NRG1: variants seen among roughly 807,000 people sequenced by gnomAD.
The protein encoded by NRG1 is neuregulin 1.
NRG1 carries 18 observed loss-of-function variants against 63.8 expected under a neutral mutation model. That is an observed-to-expected ratio of 0.28 (90% CI 0.19 to 0.42). NRG1 has a LOEUF of 0.42. Among genes scored for constraint, NRG1 ranks in the 10% least tolerant of loss-of-function variants. The pLI is 1.00. For missense variants in NRG1, 762 were observed against 814.7 expected, an observed-to-expected ratio of 0.94 and a Z score of 0.79; for synonymous variants, 302 against 301.3, an observed-to-expected ratio of 1.00 and a Z score of -0.02.
chr8:31,658,798 G>A (rs975840682), intron 1 of NRG1, among the ~76,000 whole-genome samples: 8 of 152,182 alleles, frequency 5.3e-5, no homozygotes, highest in Non-Finnish European at 2.9e-5. Flanking sequence ...TCAGCAGAGG[G>A]AAGGGAGAGT....
At chr8:32,579,736 T>A (rs1479200411) in intron 1 of NRG1, among the ~76,000 whole-genome samples, 1 of 152,194 alleles carries the variant, frequency 6.6e-6, no homozygotes, top group Non-Finnish European at 1.5e-5. Flanking sequence ...TTTCTATTGC[T>A]CCTGTAACAA....
At chr8:32,486,214 G>C (rs553119204) in intron 1 of NRG1, among the ~76,000 whole-genome samples, 31 of 152,234 alleles carry the variant, frequency 2.0e-4, no homozygotes, top group African/African-American at 6.7e-4. Context: ...TTACAGATGT[G>C]AGCCACCGCA....
At chr8:32,103,442 T>C (rs527519736) in intron 1 of NRG1, among the ~76,000 whole-genome samples, 2 of 152,380 alleles carry the variant, frequency 1.3e-5, no homozygotes, top group Admixed American at 6.5e-5. Flanking sequence ...TGTTGATGGA[T>C]ACTTAGGTTG....
At chr8:31,939,535 A>G (rs1801436178) in intron 1 of NRG1, among the ~76,000 whole-genome samples, 1 of 152,124 alleles carries the variant, frequency 6.6e-6, no homozygotes, top group African/African-American at 2.4e-5. Context: ...TCAGGCAACA[A>G]ATAGCATGAT....
intron 1 of NRG1, among the ~76,000 whole-genome samples, chr8:31,771,039 T>TG (rs2131570781): frequency 6.6e-6 from 1 of 152,240 alleles, no homozygotes; most frequent in South Asian, 2.1e-4. Flanking sequence ...TTATAGCATA[T>TG]GGTTCACTGA....
chr8:32,428,026 T>C (rs1817622382), intron 1 of NRG1, among the ~76,000 whole-genome samples: 1 of 152,208 alleles, frequency 6.6e-6, no homozygotes, highest in Non-Finnish European at 1.5e-5. Flanking sequence ...TTGGCCAGCG[T>C]TGACTGGGGG....
At chr8:31,721,297 G>A (rs927608668) in intron 1 of NRG1, among the ~76,000 whole-genome samples, 2 of 152,122 alleles carry the variant, frequency 1.3e-5, no homozygotes, top group African/African-American at 4.8e-5. Context: ...ATAGGATATT[G>A]TAATCCTGTG....
chr8:32,030,927 C>T (rs1265226082), intron 1 of NRG1, among the ~76,000 whole-genome samples: 1 of 152,160 alleles, frequency 6.6e-6, no homozygotes, highest in Non-Finnish European at 1.5e-5. Context: ...GCATATAATA[C>T]TAACAACTCA....
chr8:32,641,103 C>G (rs958473495), intron 5 of NRG1, among the ~76,000 whole-genome samples: 1 of 151,638 alleles, frequency 6.6e-6, no homozygotes, highest in Non-Finnish European at 1.5e-5. Context: ...GATTGCACCA[C>G]TGCACTCCAG....
intron 1 of NRG1, among the ~76,000 whole-genome samples, chr8:31,942,718 A>G (rs1455558489): frequency 6.6e-6 from 1 of 152,160 alleles, no homozygotes; most frequent in Non-Finnish European, 1.5e-5. Flanking sequence ...CTCATCAAAA[A>G]GTGGGCTAAA....
intron 1 of NRG1, among the ~76,000 whole-genome samples, chr8:32,195,972 G>A (rs1230214101): frequency 6.6e-6 from 1 of 152,108 alleles, no homozygotes; most frequent in African/African-American, 2.4e-5. Context: ...AAAAGTAATT[G>A]TGATTTTTGC....
intron 1 of NRG1, among the ~76,000 whole-genome samples, chr8:31,807,149 C>T (rs944043229): frequency 1.3e-5 from 2 of 152,200 alleles, no homozygotes; most frequent in South Asian, 2.1e-4. Context: ...ATGAAGGGCC[C>T]GAAAGAACTA....
chr8:32,188,702 G>T (rs571841672), intron 1 of NRG1, among the ~76,000 whole-genome samples: 3 of 152,036 alleles, frequency 2.0e-5, no homozygotes, highest in Non-Finnish European at 4.4e-5. Flanking sequence ...GGAGGAGGCC[G>T]TGTGCTTCCT....
At chr8:32,217,310 G>A (rs912063003) in intron 1 of NRG1, among the ~76,000 whole-genome samples, 1 of 151,668 alleles carries the variant, frequency 6.6e-6, no homozygotes, top group African/African-American at 2.4e-5. Context: ...TAAGAAAAGG[G>A]AGAGGTAAAA....
At chr8:32,448,324 T>C (rs911585195) in intron 1 of NRG1, among the ~76,000 whole-genome samples, 2 of 152,240 alleles carry the variant, frequency 1.3e-5, no homozygotes, top group Non-Finnish European at 2.9e-5. Flanking sequence ...TAATGTTTAA[T>C]GCTATTTGCT....
chr8:31,947,959 A>AAAC (rs1802865477), intron 1 of NRG1, among the ~76,000 whole-genome samples: 2 of 150,654 alleles, frequency 1.3e-5, no homozygotes, highest in South Asian at 4.2e-4. Flanking sequence ...AAAAAAAAAA[A>AAAC]AAAAAAAAAA....
intron 1 of NRG1, among the ~76,000 whole-genome samples, chr8:32,179,756 T>C (rs140867085): frequency 4.2e-4 from 64 of 152,350 alleles, no homozygotes; most frequent in African/African-American, 1.5e-3. Context: ...TGGACCTTGA[T>C]CTTCCTTCCT....
intron 1 of NRG1, among the ~76,000 whole-genome samples, chr8:31,832,703 CA>C (rs1474629189): frequency 1.3e-5 from 2 of 152,124 alleles, no homozygotes; most frequent in East Asian, 1.9e-4. Flanking sequence ...TTTCCCAGAG[CA>C]AAAATTAGGA....
intron 1 of NRG1, among the ~76,000 whole-genome samples, chr8:32,078,157 G>A (rs1377683985): frequency 6.6e-6 from 1 of 152,174 alleles, no homozygotes; most frequent in East Asian, 1.9e-4. Context: ...ACCTCCTCAT[G>A]TTGGAGGTGG....
Sources: allele counts gnomAD v4.1 joint callset (sites outside exome capture counted in the v4.1 genomes callset), GRCh38; gene constraint gnomAD v4.1.1; transcripts MANE v1.5; gene names NCBI Gene and HGNC (gene_info 2026-07-23, HGNC 2026-07-21).